Variants in EPB41L1 observed in about 807,000 individuals in gnomAD.
EPB41L1 encodes band 4.1-like protein 1.
A neutral mutation model predicts 97.8 loss-of-function variants in EPB41L1; 29 were observed. The ratio of observed to expected loss-of-function variants is 0.30; its 90% CI spans 0.22 to 0.40. EPB41L1 has a LOEUF of 0.40. Among genes scored for constraint, EPB41L1 ranks in the 10% least tolerant of loss-of-function variants. The pLI is 1.00. For synonymous variants in EPB41L1, 383 were observed against 459.2 expected (o/e 0.83, Z 2.12); for missense variants, 812 against 1,162.3 (o/e 0.70, Z 4.38).
rs1457579492 is a variant in EPB41L1, at chr20:36,185,135, G to A, written c.585G>A (p.Gln195=). The A allele has an allele frequency of 1.2e-6, 2 of 1,612,352 alleles. No homozygotes were observed. The highest frequency in any genetic ancestry group is 4.5e-5 in the East Asian group (2 of 44,894). Residue 195 remains glutamine (Q), a synonymous_variant, in exon 7 of 22, where the codon CAG becomes CAA. Transcript: ENST00000338074. ...TCTCCAGATACTACCTGTGCCTGCA[G>A]CTGCGGGCAGACATCATCACGGGCC... is the stretch of plus-strand genomic sequence containing the variant. ...EDITRYYLCL[Q]LRADIITGRL... is the part of the protein sequence containing the mutation.
At chr20:36,225,680 C>T (rs569512173) in intron 21 of EPB41L1, among the ~76,000 whole-genome samples, 1 of 152,246 alleles carries the variant, frequency 6.6e-6, no homozygotes, top group South Asian at 2.1e-4. Flanking sequence ...TGGCTATTTG[C>T]TTTCCTGGGG....
intron 1 of EPB41L1, among the ~76,000 whole-genome samples, chr20:36,107,500 T>C (rs1305174887): frequency 1.3e-5 from 2 of 150,240 alleles, no homozygotes; most frequent in Non-Finnish European, 3.0e-5. Flanking sequence ...ATTACAGGTG[T>C]GAGCCACCGT....
intron 14 of EPB41L1, chr20:36,200,775 C>T: frequency 2.4e-6 from 1 of 414,616 alleles, no homozygotes; most frequent in Non-Finnish European, 4.8e-6. Context: ...GTGTGTGTCT[C>T]TCTCTCCTAC....
chr20:36,147,804 T>A (rs1410821404), intron 2 of EPB41L1, among the ~76,000 whole-genome samples: 2 of 152,190 alleles, frequency 1.3e-5, no homozygotes, highest in Non-Finnish European at 2.9e-5. Flanking sequence ...AGCTCTCTTC[T>A]GACTGCAAGG....
rs1170138087 is a variant in EPB41L1 at position 36,207,816 on chromosome 20, C to T, written c.1669-1672C>T. 3 of 1,270,506 alleles carry T rather than the reference C, an allele frequency of 2.4e-6. No homozygotes were observed. Among genetic ancestry groups the T allele is most frequent in the Admixed American group, 2.4e-5 (1 of 42,082 alleles). 78.7% of individuals were successfully genotyped at this position (1,270,506 alleles called of 1,614,324 possible). A position where few individuals can be genotyped will look rare whatever the true frequency, so the allele number is the denominator to read the frequency against. ...GCGTGAGCCCCCGCCCCCACCGCTG[C>T]TCCCCGCCCATGGGGGCTGGCCGCA... On this transcript the variant is annotated intron_variant, in intron 14 of 21. Coordinates refer to ENST00000338074, the MANE Select transcript of EPB41L1 (RefSeq NM_012156.2). The surrounding 1 kb of genome is among the most constrained non-coding windows in gnomAD (Gnocchi z 4.9).
chr20:36,154,028 A>G (rs1244678154), upstream of EPB41L1, among the ~76,000 whole-genome samples: 2 of 152,128 alleles, frequency 1.3e-5, no homozygotes, highest in Non-Finnish European at 2.9e-5. This position sits in a 1 kb window ranked among gnomAD's most constrained non-coding sequence, Gnocchi z 5.5. Context: ...CCCATCCCCA[A>G]TAGGTCCCTG....
intron 4 of EPB41L1, 130 bp downstream of exon 4, chr20:36,178,186 C>T (rs958548722): frequency 3.0e-5 from 22 of 741,052 alleles, no homozygotes; most frequent in Admixed American, 2.6e-4. Flanking sequence ...CAAGGCTCAA[C>T]CAGCCCTATC....
chr20:36,118,597 TC>T (rs1404038120), intron 2 of EPB41L1, among the ~76,000 whole-genome samples: 1 of 152,136 alleles, frequency 6.6e-6, no homozygotes, highest in Non-Finnish European at 1.5e-5. Context: ...GTAAATATAC[TC>T]AAGAGGAGTG....
At chr20:36,192,230 A>T (rs368694408) in intron 11 of EPB41L1, among the ~76,000 whole-genome samples, 173 of 151,740 alleles carry the variant, frequency 1.1e-3, no homozygotes, top group African/African-American at 4.0e-3. Context: ...CAAAAAAAAT[A>T]AAAAAAATAA....
chr20:36,132,937 C>A (rs137973851), intron 2 of EPB41L1, among the ~76,000 whole-genome samples: 1 of 152,248 alleles, frequency 6.6e-6, no homozygotes, highest in Non-Finnish European at 1.5e-5. Context: ...TGTGTGTACA[C>A]GTGCTTGTGG....
At position 36,092,481 on chromosome 20, in the gene EPB41L1, A is replaced by AGCTCCGGCG. The variant is rs903667673; in HGVS notation, c.-65+888_-65+896dup. ...CTCCCCGGGACCGGCGCGCGGCCCC[A>AGCTCCGGCG]GCTCCGGCGGCTCCGGCGGCTCCGG... On this transcript the variant is annotated intron_variant, in intron 1 of 19. Transcript: ENST00000202028. The surrounding 1 kb of genome is among the most constrained non-coding windows in gnomAD (Gnocchi z 7.0). 6.3e-4 allele frequency among the ~76,000 whole-genome samples: 95 copies of AGCTCCGGCG among 151,944 alleles called. No individual in the cohort carries two copies. Among genetic ancestry groups the AGCTCCGGCG allele is most frequent in the Admixed American group, 1.1e-3 (17 of 15,296 alleles).
At chr20:36,129,226 T>A (rs530406826) in intron 2 of EPB41L1, among the ~76,000 whole-genome samples, 210 of 152,262 alleles carry the variant, frequency 1.4e-3, no homozygotes, top group Non-Finnish European at 2.3e-3. Flanking sequence ...GTGAATGGTA[T>A]GGACCAAGAG....
chr20:36,137,556 C>G lies in EPB41L1; in HGVS notation c.-10+25076C>G, dbSNP rs116629372. On this transcript the variant is annotated intron_variant, in intron 2 of 19. Transcript: ENST00000202028. ...TTTTATGTTTTGAGACTGAGTTCCG[C>G]TTTTGTTGCCCAGGCTGGAGTGCAA... Among the ~76,000 whole-genome samples the G allele has an allele frequency of 4.7e-3, 713 of 151,314 alleles. 1 individual carries two copies. The highest frequency in any genetic ancestry group is 0.017 in the African/African-American group (694 of 41,194).
Position 36,209,940 on chromosome 20 carries a change from G to C in EPB41L1, c.2079+42G>C. The C allele has an allele frequency of 1.2e-6, 2 of 1,604,426 alleles. No homozygotes were observed. Among genetic ancestry groups the C allele is most frequent in the South Asian group, 1.1e-5 (1 of 89,782 alleles). On this transcript the variant is annotated intron_variant, in intron 15 of 21. Coordinates refer to ENST00000338074, the MANE Select transcript of EPB41L1 (RefSeq NM_012156.2). This position sits in a 1 kb window ranked among gnomAD's most constrained non-coding sequence, Gnocchi z 4.2. Reference sequence around the variant, plus strand: ...TCAAGAGCCAGGCCCGCTGGGCACCGCATGCTCAGAGGGCCCTGGGCCACC... The same window carrying C: ...TCAAGAGCCAGGCCCGCTGGGCACCCCATGCTCAGAGGGCCCTGGGCCACC...
At chr20:36,161,956 GT>G (rs2060545907) in intron 1 of EPB41L1, among the ~76,000 whole-genome samples, 1 of 152,136 alleles carries the variant, frequency 6.6e-6, no homozygotes, top group African/African-American at 2.4e-5. Context: ...TAAAGACAGT[GT>G]CTCGCTCTGT....
intron 1 of EPB41L1, among the ~76,000 whole-genome samples, chr20:36,172,223 C>T (rs2061022926): frequency 6.6e-6 from 1 of 151,950 alleles, no homozygotes; most frequent in Non-Finnish European, 1.5e-5. Context: ...GGATTACAGG[C>T]ATGCATCACC....
Position 36,218,892 on chromosome 20 carries a change from C to G in EPB41L1, c.2285C>G (p.Ser762Cys), listed in dbSNP as rs1286603812. The G allele has an allele frequency of 6.2e-7, 1 of 1,614,126 alleles. No individual in the cohort carries two copies. The highest frequency in any genetic ancestry group is 1.7e-5 in the Admixed American group (1 of 60,026). The part of the protein sequence containing the change: ...ISTTMENSLK[S>C]GKGAAAMIPG... The stretch of plus-strand genomic sequence containing the variant: ...TTTCCCCAGGAGAACAGTCTCAAGT[C>G]CGGGAAGGGGGCAGCTGCCATGATC... The change falls in exon 18 of 22, where the codon TCC becomes TGC. Residue 762 changes from serine (S) to cysteine (C), a missense_variant. Ser to Cys is a moderately radical substitution (Grantham distance 112). This residue lies in a region of EPB41L1 where 498 missense variants were observed against 622.7 expected (regional missense o/e 0.80). Transcript: ENST00000338074.
At chr20:36,163,732 T>C (rs4142032) in intron 1 of EPB41L1, among the ~76,000 whole-genome samples, 22,421 of 152,172 alleles carry the variant, frequency 0.15, 2,307 homozygotes, top group African/African-American at 0.29. Flanking sequence ...GTTCCGTGAC[T>C]GGTAGAGGTG....
Position 36,106,045 on chromosome 20 carries a change from G to GGA in EPB41L1, c.-64-6380_-64-6379insAG, listed in dbSNP as rs543747601. ...CTCTGGCCTTAGTCCAAGGGCCTCT[G>GGA]GGTGAGTGCTCTTAGGGGAGGTGTG... is the stretch of plus-strand genomic sequence containing the variant. On this transcript the variant is annotated intron_variant, in intron 1 of 19. Transcript: ENST00000202028. 8.5e-5 allele frequency among the ~76,000 whole-genome samples: 13 copies of GGA among 152,238 alleles called. No homozygotes were observed. In the East Asian group the frequency reaches 2.5e-3, roughly 29 times the overall value.
Sources: allele counts gnomAD v4.1 joint callset (sites outside exome capture counted in the v4.1 genomes callset), GRCh38; gene constraint gnomAD v4.1.1; regional missense constraint gnomAD v4.1.1; non-coding constraint Gnocchi (gnomAD v3.1); transcripts MANE v1.5; gene names NCBI Gene and HGNC (gene_info 2026-07-23, HGNC 2026-07-21).